ARHGEF12: variants seen among roughly 807,000 people sequenced by gnomAD.
The protein encoded by ARHGEF12 is Rho guanine nucleotide exchange factor 12.
A neutral mutation model predicts 211.2 loss-of-function variants in ARHGEF12; 66 were observed. The ratio of observed to expected loss-of-function variants is 0.31; its 90% CI spans 0.26 to 0.38. ARHGEF12 has a LOEUF of 0.38. Among genes scored for constraint, ARHGEF12 ranks in the 10% least tolerant of loss-of-function variants. The pLI, the probability that ARHGEF12 is intolerant of heterozygous loss-of-function variation, is 1.00. For synonymous variants in ARHGEF12, 592 were observed against 638.4 expected, an observed-to-expected ratio of 0.93 and a Z score of 1.09; for missense variants, 1,429 against 1,869.5, an observed-to-expected ratio of 0.76 and a Z score of 4.34.
At chr11:120,475,247 A>T in intron 32 of ARHGEF12, 93 bp from the exon 33 acceptor site, 1 of 1,208,944 alleles carries the variant, frequency 8.3e-7, no homozygotes, top group Non-Finnish European at 1.1e-6. Context: ...TAGCTTTAAC[A>T]GAAATAGAAT....
chr11:120,443,129 C>A (rs190737986), intron 15 of ARHGEF12, among the ~76,000 whole-genome samples: 29 of 151,508 alleles, frequency 1.9e-4, no homozygotes, highest in African/African-American at 7.0e-4. Flanking sequence ...TCAAGTGATC[C>A]TCCTGCCTCA....
At chr11:120,453,325 C>A (rs7111292) in intron 22 of ARHGEF12, among the ~76,000 whole-genome samples, 1,716 of 151,986 alleles carry the variant, frequency 0.011, 38 homozygotes, top group African/African-American at 0.04. Flanking sequence ...TGGTAGGTGG[C>A]GGATGAACAG....
intron 1 of ARHGEF12, among the ~76,000 whole-genome samples, chr11:120,371,411 C>T (rs1943585628): frequency 6.6e-6 from 1 of 152,170 alleles, no homozygotes; most frequent in Non-Finnish European, 1.5e-5. Context: ...TTGCTTGAGC[C>T]CGGGAGGTGG....
At position 120,481,544 on chromosome 11, in the gene ARHGEF12, C is replaced by A. The variant is rs1193464180; in HGVS notation, c.4522C>A (p.His1508Asn). ...DSQSQIMEYI[H>N]KIEADLEHLK... ...ACAGAGCCAGATCATGGAGTACATT[C>A]ATAAGATAGAGGCTGACCTTGAACA... The change falls in exon 39 of 41, where the codon CAT (histidine) becomes AAT (asparagine). Residue 1508 changes from histidine to asparagine, a missense_variant. This residue lies in a region of ARHGEF12 where 467 missense variants were observed against 468.4 expected (regional missense o/e 1.00). Transcript: ENST00000397843. 1.2e-6 allele frequency: 2 copies of A among 1,614,188 alleles called. No individual in the cohort carries two copies. The highest frequency in any genetic ancestry group is 1.7e-5 in the Admixed American group (1 of 60,024).
intron 4 of ARHGEF12, among the ~76,000 whole-genome samples, chr11:120,418,990 T>C (rs12794618): frequency 0.21 from 31,547 of 151,848 alleles, 3,575 homozygotes; most frequent in African/African-American, 0.29. Flanking sequence ...TTCTTTTTTT[T>C]TGTGACAGAG....
intron 7 of ARHGEF12, among the ~76,000 whole-genome samples, chr11:120,425,010 T>C (rs1464412731): frequency 1.3e-5 from 2 of 152,230 alleles, no homozygotes; most frequent in African/African-American, 2.4e-5. Context: ...CACTTGGACT[T>C]AGTTCTCTGT....
At chr11:120,408,565 CAA>C (rs1944784375) in intron 3 of ARHGEF12, 2 of 151,962 alleles carry the variant, frequency 1.3e-5, no homozygotes, top group African/African-American at 4.8e-5. Context: ...GTCCCTTTGA[CAA>C]GAGACGAAGT....
rs1565417205 is a variant in ARHGEF12, at chr11:120,347,177, TTCCTTC to T, written c.32+9903_32+9908del. 8.6e-4 allele frequency among the ~76,000 whole-genome samples: 111 copies of T among 129,386 alleles called. 2 individuals are homozygous for T. The highest frequency in any genetic ancestry group is 3.2e-3 in the African/African-American group (95 of 29,502). The allele number at this position is 129,386 out of a possible 152,430, so 84.9% of individuals were successfully genotyped here. On this transcript the variant is annotated intron_variant, in intron 1 of 40. Transcript: ENST00000397843. ...CTTCCTTCCTTCCTTCCTTCCTTCCTTCCTTCCTTTCTTTCTTTCTTTCTTTCTCTT... is the reference window on the plus strand; with the variant it reads ...CTTCCTTCCTTCCTTCCTTCCTTCCTCTTTCTTTCTTTCTTTCTTTCTCTT...
chr11:120,353,141 T>G (rs1056592782), intron 1 of ARHGEF12, among the ~76,000 whole-genome samples: 3 of 152,198 alleles, frequency 2.0e-5, no homozygotes, highest in African/African-American at 7.2e-5. Context: ...TCTCAGAACC[T>G]TCAGATCACA....
At chr11:120,471,911 A>C (rs1024058216) in intron 30 of ARHGEF12, among the ~76,000 whole-genome samples, 1 of 152,204 alleles carries the variant, frequency 6.6e-6, no homozygotes, top group African/African-American at 2.4e-5. Context: ...GATATCCTAC[A>C]TGGATGTACA....
At chr11:120,351,124 C>A (rs1046220395) in intron 1 of ARHGEF12, among the ~76,000 whole-genome samples, 2 of 151,482 alleles carry the variant, frequency 1.3e-5, no homozygotes, top group Admixed American at 1.3e-4. Flanking sequence ...CTGAGGCGGG[C>A]GGATCACAAG....
intron 1 of ARHGEF12, among the ~76,000 whole-genome samples, chr11:120,354,446 T>G (rs1018872732): frequency 6.6e-5 from 10 of 152,224 alleles, no homozygotes; most frequent in African/African-American, 1.9e-4. Context: ...ACACACCCCA[T>G]ATGAGCCAAA....
intron 1 of ARHGEF12, among the ~76,000 whole-genome samples, chr11:120,373,829 C>T (rs551247604): frequency 7.2e-4 from 110 of 152,140 alleles, no homozygotes; most frequent in Admixed American, 1.4e-3. Flanking sequence ...GTTTTTGAGA[C>T]GGAGTTTCGC....
At chr11:120,454,773 A>G (rs1262928251) in intron 22 of ARHGEF12, among the ~76,000 whole-genome samples, 5 of 152,216 alleles carry the variant, frequency 3.3e-5, no homozygotes, top group Non-Finnish European at 5.9e-5. Flanking sequence ...GGACTTTTCC[A>G]TAGAGATACT....
At chr11:120,450,801 G>A (rs1946187293) in intron 21 of ARHGEF12, 1 of 152,214 alleles carries the variant, frequency 6.6e-6, no homozygotes, top group South Asian at 2.1e-4. Context: ...AGCTTACTAA[G>A]AACTCACAAA....
chr11:120,451,486 A>G (rs770449930), intron 21 of ARHGEF12, 26 bp from the exon 22 acceptor site: 1 of 1,612,026 alleles, frequency 6.2e-7, no homozygotes. Context: ...CGCAATACAG[A>G]TTATTAACCA....
chr11:120,350,753 A>G (rs549717314), intron 1 of ARHGEF12, among the ~76,000 whole-genome samples: 33 of 152,312 alleles, frequency 2.2e-4, no homozygotes, highest in African/African-American at 7.5e-4. Context: ...TTAGATGTTC[A>G]TTGCTTTTGA....
At chr11:120,414,324 T>C (rs1332400442) in intron 4 of ARHGEF12, among the ~76,000 whole-genome samples, 1 of 152,234 alleles carries the variant, frequency 6.6e-6, no homozygotes, top group South Asian at 2.1e-4. Flanking sequence ...AGTTGGAATT[T>C]TGCCAGGGCA....
At chr11:120,440,744 A>C (rs1266767258) in intron 13 of ARHGEF12, among the ~76,000 whole-genome samples, 1 of 152,142 alleles carries the variant, frequency 6.6e-6, no homozygotes, top group Non-Finnish European at 1.5e-5. Context: ...AGGTTGAATC[A>C]GAGTGACAAG....
Sources: allele counts gnomAD v4.1 joint callset (sites outside exome capture counted in the v4.1 genomes callset), GRCh38; gene constraint gnomAD v4.1.1; regional missense constraint gnomAD v4.1.1; transcripts MANE v1.5; gene names NCBI Gene and HGNC (gene_info 2026-07-23, HGNC 2026-07-21).